The following CERS3 variants were observed in gnomAD, a reference collection of about 807,000 sequenced individuals.
The protein encoded by CERS3 is ceramide synthase 3.
CERS3 carries 33 observed loss-of-function variants against 50.3 expected under a neutral mutation model. The ratio of observed to expected loss-of-function variants is 0.66; its 90% CI spans 0.50 to 0.88. The LOEUF is 0.88. CERS3 is among the 40% of genes least tolerant of loss of function. CERS3 has a pLI of 0.00. For missense variants in CERS3, 470 were observed against 460.3 expected (o/e 1.02, Z -0.19); for synonymous variants, 176 against 155.2 (o/e 1.13, Z -0.99).
intron 11 of CERS3, among the ~76,000 whole-genome samples, chr15:100,437,346 C>A (rs2033465159): frequency 6.6e-6 from 1 of 152,166 alleles, no homozygotes; most frequent in Admixed American, 6.5e-5. Flanking sequence ...TTCACTCTTA[C>A]CTACTAGCAG....
intron 2 of CERS3, among the ~76,000 whole-genome samples, chr15:100,502,400 C>G (rs2036039804): frequency 1.3e-5 from 2 of 152,180 alleles, no homozygotes; most frequent in South Asian, 4.1e-4. Context: ...TGGAAAAACT[C>G]AAGTTTAACA....
chr15:100,481,631 A>G (rs956408780), intron 5 of CERS3, among the ~76,000 whole-genome samples: 5 of 152,218 alleles, frequency 3.3e-5, no homozygotes, highest in African/African-American at 9.6e-5. Flanking sequence ...TTCTTTTCAC[A>G]AGATTATGAA....
chr15:100,473,198 T>A (rs1381034920), intron 8 of CERS3, 146 bp from the exon 9 acceptor site: 10 of 833,382 alleles, frequency 1.2e-5, no homozygotes, highest in Non-Finnish European at 1.8e-5. Flanking sequence ...CTAAACACAA[T>A]CTTTGTGAGG....
At chr15:100,441,254 T>C (rs2142152269) in intron 11 of CERS3, among the ~76,000 whole-genome samples, 1 of 151,748 alleles carries the variant, frequency 6.6e-6, no homozygotes, top group South Asian at 2.1e-4. Flanking sequence ...CCCTACCCCT[T>C]ATTTCCATGC....
chr15:100,454,252 T>C (rs374621408), intron 11 of CERS3, among the ~76,000 whole-genome samples: 2 of 152,016 alleles, frequency 1.3e-5, no homozygotes, highest in African/African-American at 2.4e-5. Flanking sequence ...TAGTGAAGTG[T>C]GGTGGCATGG....
At chr15:100,427,837 C>G (rs141056588) in intron 11 of CERS3, among the ~76,000 whole-genome samples, 1 of 152,104 alleles carries the variant, frequency 6.6e-6, no homozygotes, top group Non-Finnish European at 1.5e-5. Context: ...TGCTTCCTGC[C>G]GAGAGACAGG....
intron 2 of CERS3, among the ~76,000 whole-genome samples, 158 bp downstream of exon 2, chr15:100,521,509 A>G (rs59528001): frequency 0.071 from 10,766 of 152,214 alleles, 751 homozygotes; most frequent in African/African-American, 0.17. Flanking sequence ...GTATTTCATA[A>G]AGAATAGCAT....
chr15:100,509,588 T>C (rs781605063), intron 2 of CERS3, among the ~76,000 whole-genome samples: 7 of 152,216 alleles, frequency 4.6e-5, no homozygotes, highest in Non-Finnish European at 8.8e-5. Flanking sequence ...AGTGCAAGGA[T>C]GCGCTTGAGT....
chr15:100,496,420 C>T (rs934385360), intron 3 of CERS3, among the ~76,000 whole-genome samples: 5 of 152,042 alleles, frequency 3.3e-5, no homozygotes, highest in Middle Eastern at 6.8e-3. Flanking sequence ...TGAAAGAAGT[C>T]GAACACAAAA....
chr15:100,403,727 T>A (rs992235398), intron 11 of CERS3, among the ~76,000 whole-genome samples: 1 of 152,222 alleles, frequency 6.6e-6, no homozygotes, highest in African/African-American at 2.4e-5. Flanking sequence ...CATATAACTA[T>A]GAAGGACATT....
intron 11 of CERS3, among the ~76,000 whole-genome samples, chr15:100,412,837 T>C (rs2031593808): frequency 6.6e-6 from 1 of 152,214 alleles, no homozygotes; most frequent in African/African-American, 2.4e-5. Context: ...GCTTTTAAAA[T>C]TAGCTTTTAA....
chr15:100,503,647 G>T (rs2036077176), intron 2 of CERS3: 1 of 469,232 alleles, frequency 2.1e-6, no homozygotes, highest in Non-Finnish European at 4.4e-6. Context: ...AGCCCAAAAT[G>T]ATCAGTGGAA....
intron 8 of CERS3, among the ~76,000 whole-genome samples, chr15:100,475,638 C>T (rs752650404): frequency 2.6e-5 from 4 of 151,882 alleles, no homozygotes; most frequent in East Asian, 1.9e-4. Flanking sequence ...TAATAATGCC[C>T]GAAGCAAGGT....
intron 3 of CERS3, among the ~76,000 whole-genome samples, chr15:100,492,307 T>TTTACAACTATTATTATTGAACTA (rs1224998906): frequency 6.6e-6 from 1 of 152,236 alleles, no homozygotes; most frequent in Non-Finnish European, 1.5e-5. Context: ...AGTATTGAAG[T>TTTACAACTATTATTATTGAACTA]TTACAACTAT....
intron 10 of CERS3, among the ~76,000 whole-genome samples, chr15:100,457,938 G>A (rs1272263365): frequency 6.6e-6 from 1 of 152,132 alleles, no homozygotes; most frequent in Non-Finnish European, 1.5e-5. Flanking sequence ...ACAACTTGAT[G>A]TATATAGTCT....
At chr15:100,495,691 G>A (rs1596760830) in intron 3 of CERS3, among the ~76,000 whole-genome samples, 1 of 152,034 alleles carries the variant, frequency 6.6e-6, no homozygotes, top group Non-Finnish European at 1.5e-5. Context: ...TCCTTTATCA[G>A]ATATATGTTT....
chr15:100,458,132 T>A (rs2034434743), intron 10 of CERS3, among the ~76,000 whole-genome samples: 1 of 152,240 alleles, frequency 6.6e-6, no homozygotes, highest in Admixed American at 6.5e-5. Context: ...AAGAAGAGTT[T>A]CACTGAACTC....
chr15:100,521,800 A>G (rs1440977255), intron 1 of CERS3, 44 bp from the exon 2 acceptor site: 2 of 152,216 alleles, frequency 1.3e-5, no homozygotes, highest in African/African-American at 4.8e-5. Context: ...ATATTACACA[A>G]CTGTGCCCAT....
rs1170051830 is a variant in CERS3, at chr15:100,494,210, CATATATATATATATATATAT to C, written c.174-3299_174-3280del. Among the ~76,000 whole-genome samples the C allele has an allele frequency of 1.4e-3, 111 of 78,120 alleles. 4 individuals carry two copies. Among genetic ancestry groups the C allele is most frequent in the South Asian group, 6.4e-3 (13 of 2,032 alleles). The allele number at this position is 78,120 out of a possible 152,430, so 51.2% of individuals were successfully genotyped here. A position where few individuals can be genotyped will look rare whatever the true frequency, so the allele number is the denominator to read the frequency against. ...TTTGCTTAGTCACCTTTTTTCTTTT[CATATATATATATATATATAT>C]ATATATATATATATATATATATATA... On this transcript the variant is annotated intron_variant, in intron 3 of 11. Coordinates refer to ENST00000679737, the MANE Select transcript of CERS3 (RefSeq NM_001378789.1).
Sources: gnomAD v4.1 joint callset for allele counts (sites outside exome capture counted in the v4.1 genomes callset) on GRCh38, gnomAD v4.1.1 for gene constraint, MANE v1.5 for transcripts, NCBI Gene and HGNC (gene_info 2026-07-23, HGNC 2026-07-21) for gene names.